ABTB3: variants seen among roughly 807,000 people sequenced by gnomAD.
The protein encoded by ABTB3 is ankyrin repeat and BTB domain containing 3.
chr12:107,468,954 G>T, the ABTB3 span, among the ~76,000 whole-genome samples: 2 of 152,160 alleles, frequency 1.3e-5, no homozygotes, highest in Admixed American at 1.3e-4. Context: ...AAAGGGGGCT[G>T]ATCACTGTAG....
the ABTB3 span, among the ~76,000 whole-genome samples, chr12:107,619,663 G>A: frequency 1.2e-3 from 183 of 152,270 alleles, no homozygotes; most frequent in Non-Finnish European, 2.2e-3. Flanking sequence ...CATAAGTAGC[G>A]TGCGTAATAA....
At chr12:107,480,701 G>T in the ABTB3 span, among the ~76,000 whole-genome samples, 2 of 151,960 alleles carry the variant, frequency 1.3e-5, no homozygotes, top group South Asian at 4.1e-4. Context: ...TATGCAGAAC[G>T]ATGTGTGTGT....
chr12:107,610,917 AC>A, the ABTB3 span, among the ~76,000 whole-genome samples: 3 of 152,172 alleles, frequency 2.0e-5, no homozygotes, highest in Admixed American at 2.0e-4. Context: ...ACCGTCATGG[AC>A]AGAGAAAACA....
chr12:107,541,301 A>C, the ABTB3 span, among the ~76,000 whole-genome samples: 1 of 152,162 alleles, frequency 6.6e-6, no homozygotes, highest in African/African-American at 2.4e-5. Context: ...ATGGTGGAGA[A>C]GGGGTGAGAT....
chr12:107,319,407 A>G, the ABTB3 span: 7 of 1,602,464 alleles, frequency 4.4e-6, no homozygotes, highest in Non-Finnish European at 6.0e-6. Context: ...CGCTTCGCCA[A>G]GTGCACCAAG....
the ABTB3 span, among the ~76,000 whole-genome samples, chr12:107,493,269 G>C: frequency 2.0e-5 from 3 of 152,144 alleles, no homozygotes; most frequent in African/African-American, 7.2e-5. Flanking sequence ...CTCTGTCCCT[G>C]TCCCTTCACT....
chr12:107,373,137 A>G, the ABTB3 span, among the ~76,000 whole-genome samples: 1 of 152,216 alleles, frequency 6.6e-6, no homozygotes, highest in Non-Finnish European at 1.5e-5. Flanking sequence ...CTACTGGCCT[A>G]GAACAACATT....
the ABTB3 span, among the ~76,000 whole-genome samples, chr12:107,512,033 G>A: frequency 6.6e-6 from 1 of 152,130 alleles, no homozygotes; most frequent in South Asian, 2.1e-4. Context: ...CCTGGGTCAA[G>A]CCCAGAGGTT....
the ABTB3 span, among the ~76,000 whole-genome samples, chr12:107,405,539 C>T: frequency 6.6e-6 from 1 of 152,252 alleles, no homozygotes; most frequent in Non-Finnish European, 1.5e-5. Flanking sequence ...GGGATCAGAG[C>T]TGGCACGGCT....
chr12:107,637,149 T>G, the ABTB3 span, among the ~76,000 whole-genome samples: 1 of 152,246 alleles, frequency 6.6e-6, no homozygotes, highest in African/African-American at 2.4e-5. Context: ...CTTCATAAAT[T>G]CACTCATTTA....
At chr12:107,336,270 G>A in the ABTB3 span, among the ~76,000 whole-genome samples, 2 of 152,190 alleles carry the variant, frequency 1.3e-5, no homozygotes, top group Non-Finnish European at 2.9e-5. Context: ...ATTCCCAAAC[G>A]CTGACGTGAG....
At chr12:107,513,056 G>A in the ABTB3 span, among the ~76,000 whole-genome samples, 4 of 152,188 alleles carry the variant, frequency 2.6e-5, no homozygotes, top group African/African-American at 9.7e-5. Context: ...CCTAATAAAT[G>A]TTGGATTTCC....
chr12:107,622,465 T>A, the ABTB3 span, among the ~76,000 whole-genome samples: 1 of 151,996 alleles, frequency 6.6e-6, no homozygotes, highest in South Asian at 2.1e-4. Context: ...TGTTCAAATG[T>A]TTGTCCAAAC....
the ABTB3 span, among the ~76,000 whole-genome samples, chr12:107,539,497 A>T: frequency 6.6e-6 from 1 of 152,172 alleles, no homozygotes; most frequent in East Asian, 1.9e-4. Flanking sequence ...AGTAGCAGCT[A>T]AGGATCTCAG....
chr12:107,526,125 G>T, the ABTB3 span, among the ~76,000 whole-genome samples: 1 of 152,148 alleles, frequency 6.6e-6, no homozygotes, highest in Non-Finnish European at 1.5e-5. Context: ...AACAAAAACT[G>T]AAGAAAATGC....
chr12:107,489,996 A>T, the ABTB3 span, among the ~76,000 whole-genome samples: 1 of 152,172 alleles, frequency 6.6e-6, no homozygotes. Context: ...GCCCTGAGGG[A>T]TTTAAAATAT....
At chr12:107,530,622 C>T in the ABTB3 span, among the ~76,000 whole-genome samples, 1 of 152,176 alleles carries the variant, frequency 6.6e-6, no homozygotes, top group African/African-American at 2.4e-5. Flanking sequence ...CTCTTTTCTA[C>T]TTAACATTTT....
the ABTB3 span, among the ~76,000 whole-genome samples, chr12:107,383,473 T>C: frequency 6.4e-3 from 977 of 152,312 alleles, 8 homozygotes; most frequent in Admixed American, 0.011. Flanking sequence ...AGATTCCGGT[T>C]TTCTCTTCTG....
At chr12:107,445,901 C>CTCTCCCCTCTCCCCTCTCCCCTCTCCCG in the ABTB3 span, among the ~76,000 whole-genome samples, 1 of 137,086 alleles carries the variant, frequency 7.3e-6, no homozygotes, top group Admixed American at 7.8e-5. Context: ...CCCCTCTCCC[C>CTCTCCCCTCTCCCCTCTCCCCTCTCCCG]TCTCCCTGTC....
Sources: gnomAD v4.1 joint callset for allele counts (sites outside exome capture counted in the v4.1 genomes callset) on GRCh38, gnomAD v4.1.1 for gene constraint, MANE v1.5 for transcripts, NCBI Gene and HGNC (gene_info 2026-07-23, HGNC 2026-07-21) for gene names.